The following LRP1B variants were observed in gnomAD, a reference collection of about 807,000 sequenced individuals.
LRP1B encodes the protein low-density lipoprotein receptor-related protein 1B.
In LRP1B, 217 loss-of-function variants were observed where a neutral mutation model predicts 556.6. That is an observed-to-expected ratio of 0.39 (90% CI 0.35 to 0.44). The LOEUF is 0.44. LRP1B is among the 20% of genes least tolerant of loss of function. The pLI is 1.00. For synonymous variants in LRP1B, 2,047 were observed against 1,865.8 expected (o/e 1.10, Z -2.50); for missense variants, 5,053 against 5,620.8 (o/e 0.90, Z 3.23).
At chr2:141,176,039 G>T (rs141100832) in intron 7 of LRP1B, among the ~76,000 whole-genome samples, 1 of 152,058 alleles carries the variant, frequency 6.6e-6, no homozygotes, top group Non-Finnish European at 1.5e-5. Flanking sequence ...CTCTCTTTTG[G>T]AGTGGTGGCA....
rs953207011 is a variant in LRP1B, at chr2:141,156,167, TTC to T, written c.1013+32252_1013+32253del. 3.3e-5 allele frequency among the ~76,000 whole-genome samples: 5 copies of T among 152,090 alleles called. No homozygotes were observed. In the South Asian group the frequency reaches 6.2e-4, roughly 19 times the overall value. On this transcript the variant is annotated intron_variant, in intron 7 of 90. Coordinates refer to ENST00000389484, the MANE Select transcript of LRP1B (RefSeq NM_018557.3). Reference sequence around the variant, plus strand: ...ACCATAGAAAAAGGGTAAACACATATTCTCTCTCTCTACCTAACTGCCTCCTG... The same window carrying T: ...ACCATAGAAAAAGGGTAAACACATATTCTCTCTCTACCTAACTGCCTCCTG...
At chr2:141,701,373 C>T (rs1691932937) in intron 2 of LRP1B, among the ~76,000 whole-genome samples, 1 of 151,654 alleles carries the variant, frequency 6.6e-6, no homozygotes, top group Non-Finnish European at 1.5e-5. Flanking sequence ...CATGCTTTAC[C>T]CTTGTCTGTA....
intron 56 of LRP1B, among the ~76,000 whole-genome samples, chr2:140,492,914 C>T (rs910664947): frequency 5.3e-5 from 8 of 152,134 alleles, no homozygotes; most frequent in African/African-American, 1.9e-4. Flanking sequence ...CTAAGTGCAT[C>T]CCTTGCTTCC....
At chr2:140,377,546 G>A (rs930743132) in intron 68 of LRP1B, among the ~76,000 whole-genome samples, 5 of 152,142 alleles carry the variant, frequency 3.3e-5, no homozygotes, top group African/African-American at 1.2e-4. Flanking sequence ...AAAGCATCAT[G>A]GAGTAATTAA....
At chr2:141,639,345 T>TACACAC (rs1317052266) in intron 2 of LRP1B, among the ~76,000 whole-genome samples, 66 of 62,834 alleles carry the variant, frequency 1.1e-3, no homozygotes, top group Middle Eastern at 0.011. Flanking sequence ...TATATATATA[T>TACACAC]ATATACACAC....
intron 18 of LRP1B, among the ~76,000 whole-genome samples, chr2:140,956,977 T>C (rs1434615734): frequency 6.6e-6 from 1 of 151,670 alleles, no homozygotes; most frequent in Non-Finnish European, 1.5e-5. Context: ...CCAGAGTGAA[T>C]GAATGAGTGA....
chr2:140,938,934 A>T (rs537960942), intron 20 of LRP1B, among the ~76,000 whole-genome samples: 5 of 152,252 alleles, frequency 3.3e-5, no homozygotes, highest in Admixed American at 2.0e-4. Flanking sequence ...AAGATATGGA[A>T]GACAGCCTGT....
At chr2:141,392,715 C>T (rs575276726) in intron 3 of LRP1B, among the ~76,000 whole-genome samples, 11 of 152,174 alleles carry the variant, frequency 7.2e-5, no homozygotes, top group East Asian at 3.9e-4. Context: ...ATAATGTCAA[C>T]ATAAGAAGAC....
chr2:140,918,242 C>T (rs140323474), intron 21 of LRP1B, among the ~76,000 whole-genome samples: 1,933 of 149,798 alleles, frequency 0.013, 22 homozygotes, highest in Middle Eastern at 0.024. Context: ...TTGTAAATTG[C>T]CAATTATTTG....
intron 72 of LRP1B, among the ~76,000 whole-genome samples, chr2:140,360,244 C>G (rs1682444037): frequency 6.6e-6 from 1 of 151,564 alleles, no homozygotes; most frequent in African/African-American, 2.4e-5. Context: ...CCTTGTCCCT[C>G]TCAATATTTG....
chr2:140,378,686 T>A (rs923636164), intron 67 of LRP1B, among the ~76,000 whole-genome samples: 56 of 152,222 alleles, frequency 3.7e-4, no homozygotes, highest in Non-Finnish European at 7.3e-5. Context: ...CCCATTGGAC[T>A]GTTTATTATT....
At chr2:141,453,373 T>C (rs1681496950) in intron 3 of LRP1B, among the ~76,000 whole-genome samples, 2 of 152,334 alleles carry the variant, frequency 1.3e-5, no homozygotes, top group South Asian at 4.1e-4. Flanking sequence ...TTTCCTTTTC[T>C]CCCATTGTTC....
intron 29 of LRP1B, among the ~76,000 whole-genome samples, chr2:140,842,768 A>G (rs1372326607): frequency 6.6e-6 from 1 of 152,110 alleles, no homozygotes; most frequent in Non-Finnish European, 1.5e-5. Flanking sequence ...TGTAATAAGA[A>G]TATTTGGGTT....
chr2:140,427,823 C>G (rs1047122653), intron 66 of LRP1B, among the ~76,000 whole-genome samples: 1 of 151,968 alleles, frequency 6.6e-6, no homozygotes. Flanking sequence ...CGAGCTAGGT[C>G]CCAGTTCTTC....
At chr2:141,512,716 A>C (rs1194368976) in intron 2 of LRP1B, among the ~76,000 whole-genome samples, 1 of 152,188 alleles carries the variant, frequency 6.6e-6, no homozygotes, top group Non-Finnish European at 1.5e-5. Context: ...TGAGAAAAGC[A>C]CTGTTACTTG....
chr2:140,286,933 C>T (rs1474902244), intron 84 of LRP1B, among the ~76,000 whole-genome samples: 2 of 151,394 alleles, frequency 1.3e-5, no homozygotes, highest in Admixed American at 1.3e-4. Context: ...GAAATATTAA[C>T]TTTTTTTTAC....
At chr2:142,074,190 T>C (rs1262879302) in intron 1 of LRP1B, among the ~76,000 whole-genome samples, 2 of 152,000 alleles carry the variant, frequency 1.3e-5, no homozygotes, top group African/African-American at 4.8e-5. Context: ...GCCCTACCAA[T>C]TCGCTGAAGT....
chr2:140,640,399 T>TC (rs1328754596), intron 41 of LRP1B, among the ~76,000 whole-genome samples: 4 of 78,282 alleles, frequency 5.1e-5, no homozygotes, highest in African/African-American at 1.9e-4. Context: ...TTTTTTTTTT[T>TC]TTTTTTTTTT....
intron 2 of LRP1B, among the ~76,000 whole-genome samples, chr2:141,700,350 A>G (rs1558813243): frequency 6.6e-6 from 1 of 151,806 alleles, no homozygotes. Flanking sequence ...TGCTTGGAAT[A>G]GCATCGATTT....
Sources: gnomAD v4.1 joint callset for allele counts (sites outside exome capture counted in the v4.1 genomes callset) on GRCh38, gnomAD v4.1.1 for gene constraint, MANE v1.5 for transcripts, NCBI Gene and HGNC (gene_info 2026-07-23, HGNC 2026-07-21) for gene names.